The following TMEM98 variants were observed in gnomAD, a reference collection of about 807,000 sequenced individuals.
TMEM98 encodes transmembrane protein 98.
In TMEM98, 18 loss-of-function variants were observed where a neutral mutation model predicts 25.0. The observed-to-expected ratio is 0.72, with a 90% CI of 0.50 to 1.07. The LOEUF (loss-of-function observed/expected upper bound fraction) is 1.07. TMEM98 is among the 50% of genes least tolerant of loss of function. TMEM98 has a pLI of 0.00. For synonymous variants in TMEM98, 103 were observed against 112.4 expected (o/e 0.92, Z 0.53); for missense variants, 241 against 289.0 (o/e 0.83, Z 1.20).
At chr17:32,934,251 C>T (rs1329299534) in intron 4 of TMEM98, 40 bp from the exon 5 acceptor site, 1 of 1,613,508 alleles carries the variant, frequency 6.2e-7, no homozygotes, top group Non-Finnish European at 8.5e-7. Flanking sequence ...GTGGTGGGCC[C>T]CTCCAGATGA....
intron 5 of TMEM98, 124 bp from the exon 6 acceptor site, chr17:32,936,208 C>G: frequency 1.4e-6 from 1 of 710,980 alleles, no homozygotes; most frequent in South Asian, 1.8e-5. Context: ...CTTTTCACAT[C>G]TGGCCATTAG....
intron 1 of TMEM98, among the ~76,000 whole-genome samples, chr17:32,929,108 CA>C (rs1343767854): frequency 4.6e-5 from 7 of 151,740 alleles, no homozygotes; most frequent in Non-Finnish European, 8.8e-5. Context: ...CCCACTCAAG[CA>C]CACTCAAGAT....
chr17:32,939,143 G>A (rs1325753794), intron 6 of TMEM98, among the ~76,000 whole-genome samples: 2 of 152,100 alleles, frequency 1.3e-5, no homozygotes, highest in East Asian at 1.9e-4. Flanking sequence ...TGTGGCTCAC[G>A]TGCCTGTAAT....
chr17:32,930,385 T>A (rs1031537725), intron 1 of TMEM98, among the ~76,000 whole-genome samples: 8 of 79,984 alleles, frequency 1.0e-4, no homozygotes, highest in African/African-American at 6.8e-4. Context: ...ACTAAAAAAA[T>A]TCTGTGCACT....
intron 1 of TMEM98, among the ~76,000 whole-genome samples, chr17:32,929,901 A>G (rs898820949): frequency 6.6e-6 from 1 of 152,180 alleles, no homozygotes; most frequent in Non-Finnish European, 1.5e-5. Context: ...GCACAGGCAC[A>G]TGGAGTTGAA....
chr17:32,934,432 G>A (rs1012948328), intron 5 of TMEM98, 108 bp downstream of exon 5: 1 of 1,283,720 alleles, frequency 7.8e-7, no homozygotes, highest in Admixed American at 1.9e-5. Context: ...CTCGCAAGAG[G>A]CCTTTCCTTA....
intron 6 of TMEM98, 162 bp downstream of exon 6, chr17:32,936,609 C>T: frequency 1.6e-6 from 1 of 638,916 alleles, no homozygotes; most frequent in South Asian, 2.0e-5. Flanking sequence ...GGTTTAGATA[C>T]CGAGACTTCT....
chr17:32,941,256 T>G lies in TMEM98; in HGVS notation c.*263T>G, dbSNP rs1329788523. 1 of 309,180 alleles carries G rather than the reference T, an allele frequency of 3.2e-6. No homozygotes were observed. The highest frequency in any genetic ancestry group is 6.0e-6 in the Non-Finnish European group (1 of 167,236). The allele number at this position is 309,180 out of a possible 1,614,324, so 19.2% of individuals were successfully genotyped here. ...AGAGGAGTATTGAAAACTGGTGGAC[T>G]GTCAGCTTTATTTAGCTCACCTAGT... On this transcript the variant is annotated 3_prime_UTR_variant, in exon 8 of 8. Transcript: ENST00000579849.
chr17:32,931,519 C>CT lies in TMEM98; in HGVS notation c.-9dup, dbSNP rs2091469144. 1 of 1,604,416 alleles carries CT rather than the reference C, an allele frequency of 6.2e-7. No homozygotes were observed. The highest frequency in any genetic ancestry group is 8.5e-7 in the Non-Finnish European group (1 of 1,176,048). On this transcript the variant is annotated 5_prime_UTR_variant, in exon 3 of 8. Coordinates refer to ENST00000579849, the MANE Select transcript of TMEM98 (RefSeq NM_015544.3). Reference sequence around the variant, plus strand: ...TGTGACCGGGACTGAGTCAGGAGCCCTCTGGAAGCATGGAGACTGTGGTGA... The same window carrying CT: ...TGTGACCGGGACTGAGTCAGGAGCCCTTCTGGAAGCATGGAGACTGTGGTGA...
intron 5 of TMEM98, among the ~76,000 whole-genome samples, chr17:32,934,701 A>G (rs2151112485): frequency 6.6e-6 from 1 of 152,324 alleles, no homozygotes; most frequent in South Asian, 2.1e-4. Context: ...CAGAGAGTTC[A>G]GGCCTGTATG....
Position 32,931,642 on chromosome 17 carries a change from G to A in TMEM98, c.114G>A (p.Leu38=). 1 of 1,605,636 alleles carries A rather than the reference G, an allele frequency of 6.2e-7. No individual in the cohort carries two copies. ...RQRYCRPRDL[L]QRYDSKPIVD... ...GCTACTGCCGGCCGCGAGACCTGCT[G>A]CAGCGCTATGATTCTAAGTGAGTGA... The change falls in exon 3 of 8, where the codon CTG becomes CTA. Residue 38 remains leucine, a synonymous_variant. Coordinates refer to ENST00000579849, the MANE Select transcript of TMEM98 (RefSeq NM_015544.3).
chr17:32,933,834 G>A (rs1373978428), intron 4 of TMEM98, among the ~76,000 whole-genome samples: 2 of 152,220 alleles, frequency 1.3e-5, no homozygotes, highest in African/African-American at 2.4e-5. Context: ...AGAGATCCTT[G>A]TGTACAGTGC....
At chr17:32,934,477 C>T (rs908598636) in intron 5 of TMEM98, 153 bp downstream of exon 5, 2 of 744,448 alleles carry the variant, frequency 2.7e-6, no homozygotes, top group African/African-American at 1.8e-5. Context: ...TTTACTTCCC[C>T]CCCTGCCTGG....
rs150239100 is a variant in TMEM98, at chr17:32,939,531, C to G, written c.468C>G (p.Asp156Glu). ...MYPPLDPKLL[D>E]ARTTALLLSV... ...CTCCGTTGGACCCCAAACTCCTGGA[C>G]GCACGGTGAGACCAGGGGTGGGTGC... The change falls in exon 7 of 8, where the codon GAC becomes GAG. Residue 156 changes from aspartate (D) to glutamate (E), a missense_variant. Transcript: ENST00000579849. 2 of 1,614,118 alleles carry G rather than the reference C, an allele frequency of 1.2e-6. No homozygotes were observed. The highest frequency in any genetic ancestry group is 1.7e-6 in the Non-Finnish European group (2 of 1,179,972).
chr17:32,940,836 A>G lies in TMEM98; in HGVS notation c.524A>G (p.Asn175Ser), dbSNP rs1201194111. 1 of 1,614,188 alleles carries G rather than the reference A, an allele frequency of 6.2e-7. No homozygotes were observed. Residue 175 changes from asparagine (N) to serine (S), a missense_variant, in exon 8 of 8, where the codon AAT (asparagine) becomes AGT (serine). Transcript: ENST00000579849. ...SVSHLVLVTR[N>S]ACHLTGGLDW... ...AGTCACCTGGTGCTGGTGACAAGGA[A>G]TGCCTGCCATCTGACGGGAGGCCTG...
intron 5 of TMEM98, among the ~76,000 whole-genome samples, chr17:32,935,218 A>G (rs1290987752): frequency 6.6e-6 from 1 of 152,220 alleles, no homozygotes. Flanking sequence ...TTATTATCTC[A>G]GAGTCCAGGC....
rs759924847 is a variant in TMEM98 at position 32,941,350 on chromosome 17, C to G, written c.*357C>G. 22 of 177,752 alleles carry G rather than the reference C, an allele frequency of 1.2e-4. No individual in the cohort carries two copies. The highest frequency in any genetic ancestry group is 2.2e-4 in the Admixed American group (4 of 18,206). The allele number at this position is 177,752 out of a possible 1,614,324, so 11.0% of individuals were successfully genotyped here. A position where few individuals can be genotyped will look rare whatever the true frequency, so the allele number is the denominator to read the frequency against. ...TCACATTAAAATTAGAATTTCTGGC[C>G]TCTCTCGATCGGTCAGAATGTGTGG... is the stretch of plus-strand genomic sequence containing the variant. On this transcript the variant is annotated 3_prime_UTR_variant, in exon 8 of 8. Coordinates refer to ENST00000579849, the MANE Select transcript of TMEM98 (RefSeq NM_015544.3).
At chr17:32,938,372 GTC>G (rs1009938917) in intron 6 of TMEM98, among the ~76,000 whole-genome samples, 22 of 152,178 alleles carry the variant, frequency 1.4e-4, no homozygotes, top group African/African-American at 4.3e-4. Flanking sequence ...GGGTGACTGT[GTC>G]TCTGCATGTC....
At position 32,940,947 on chromosome 17, in the gene TMEM98, G is replaced by C; in HGVS notation, c.635G>C (p.Gly212Ala). Residue 212 changes from glycine (G) to alanine (A), a missense_variant, in exon 8 of 8, where the codon GGC (glycine) becomes GCC (alanine). Gly to Ala is a moderately conservative substitution (Grantham distance 60). Transcript: ENST00000579849. Reference protein sequence around the residue: ...EAALASEPDKGLPGPEGFLQE... With the variant: ...EAALASEPDKALPGPEGFLQE... ...GCCCTAGCTTCTGAGCCAGATAAAG[G>C]CCTCCCAGGCCCTGAAGGCTTCCTG... 6.2e-7 allele frequency: 1 copy of C among 1,613,680 alleles called. No homozygotes were observed. The highest frequency in any genetic ancestry group is 8.5e-7 in the Non-Finnish European group (1 of 1,179,934).
Sources: allele counts gnomAD v4.1 joint callset (sites outside exome capture counted in the v4.1 genomes callset), GRCh38; gene constraint gnomAD v4.1.1; transcripts MANE v1.5; gene names NCBI Gene and HGNC (gene_info 2026-07-23, HGNC 2026-07-21).